The following NRG1 variants were observed in gnomAD, a reference collection of about 807,000 sequenced individuals.
The protein encoded by NRG1 is neuregulin 1, also known as pro-neuregulin-1, membrane-bound isoform.
Under a neutral mutation model 63.8 loss-of-function variants are expected in NRG1, and 18 were observed. That is an observed-to-expected ratio of 0.28 (90% CI 0.19 to 0.42). The LOEUF (loss-of-function observed/expected upper bound fraction) is 0.42. Ranked by LOEUF, NRG1 falls within the 10% of genes least tolerant of loss-of-function variation. NRG1 has a pLI of 1.00. For synonymous variants in NRG1, 302 were observed against 301.3 expected (o/e 1.00, Z -0.02); for missense variants, 762 against 814.7 (o/e 0.94, Z 0.79).
At chr8:31,757,000 G>A (rs1026494339) in intron 1 of NRG1, among the ~76,000 whole-genome samples, 3 of 152,120 alleles carry the variant, frequency 2.0e-5, no homozygotes, top group African/African-American at 7.2e-5. Flanking sequence ...AGTGTGATCC[G>A]CATTCAATAT....
intron 1 of NRG1, among the ~76,000 whole-genome samples, chr8:32,172,544 A>T (rs1021349423): frequency 6.6e-6 from 1 of 152,144 alleles, no homozygotes; most frequent in African/African-American, 2.4e-5. Flanking sequence ...AACTACTCTG[A>T]GCTAAAGGAG....
At chr8:32,064,644 A>G (rs1320982806) in intron 1 of NRG1, among the ~76,000 whole-genome samples, 1 of 152,150 alleles carries the variant, frequency 6.6e-6, no homozygotes, top group African/African-American at 2.4e-5. Flanking sequence ...TTGTGAAGGA[A>G]AAGTATTTGC....
At chr8:32,462,950 A>G (rs1358837981) in intron 1 of NRG1, among the ~76,000 whole-genome samples, 2 of 151,122 alleles carry the variant, frequency 1.3e-5, no homozygotes, top group South Asian at 2.1e-4. Context: ...CCTCTCATCT[A>G]CTTTCCATTT....
chr8:32,762,949 A>G (rs7005288), intron 11 of NRG1, among the ~76,000 whole-genome samples: 28,066 of 152,126 alleles, frequency 0.18, 3,303 homozygotes, highest in East Asian at 0.45. Flanking sequence ...TTGAGGCATC[A>G]TGAAAGAGAT....
At chr8:32,641,001 G>C (rs1471651126) in intron 5 of NRG1, among the ~76,000 whole-genome samples, 5 of 151,900 alleles carry the variant, frequency 3.3e-5, no homozygotes, top group Admixed American at 6.6e-5. Context: ...AAGTTAGCCA[G>C]GCATGGTGGC....
intron 7 of NRG1, among the ~76,000 whole-genome samples, chr8:32,745,163 G>A (rs1034372142): frequency 1.3e-5 from 2 of 152,024 alleles, no homozygotes; most frequent in African/African-American, 4.8e-5. Flanking sequence ...AATTTGTGCT[G>A]CTCTAAGAAC....
intron 1 of NRG1, chr8:31,639,828 A>G (rs1293317751): frequency 7.6e-5 from 89 of 1,175,602 alleles, no homozygotes; most frequent in Non-Finnish European, 8.6e-5. Flanking sequence ...CCCATAAACA[A>G]CTCTCCTACC....
intron 1 of NRG1, among the ~76,000 whole-genome samples, chr8:32,005,985 G>C (rs1319969638): frequency 6.6e-6 from 1 of 151,796 alleles, no homozygotes; most frequent in Non-Finnish European, 1.5e-5. Flanking sequence ...CTCACTATTT[G>C]TCCAATTTAC....
chr8:32,056,783 T>C (rs1823020739), intron 1 of NRG1, among the ~76,000 whole-genome samples: 1 of 152,194 alleles, frequency 6.6e-6, no homozygotes, highest in South Asian at 2.1e-4. Context: ...CTGCCCCTAG[T>C]GTTTAATGCA....
At chr8:31,726,663 G>T (rs553402320) in intron 1 of NRG1, among the ~76,000 whole-genome samples, 1 of 152,218 alleles carries the variant, frequency 6.6e-6, no homozygotes, top group East Asian at 1.9e-4. Flanking sequence ...AGTGAAAAAA[G>T]CATGTCTGTA....
chr8:32,665,145 C>G (rs1803817596), intron 5 of NRG1, among the ~76,000 whole-genome samples: 1 of 152,050 alleles, frequency 6.6e-6, no homozygotes, highest in South Asian at 2.1e-4. Flanking sequence ...TTAATAGGCA[C>G]TGGTAATTTA....
intron 1 of NRG1, among the ~76,000 whole-genome samples, chr8:32,268,571 G>T (rs769390555): frequency 6.6e-5 from 10 of 152,156 alleles, no homozygotes; most frequent in African/African-American, 9.7e-5. Context: ...ATGTGCATGT[G>T]TGTGTGTGTC....
At chr8:31,653,666 T>C (rs974230856) in intron 1 of NRG1, among the ~76,000 whole-genome samples, 2 of 152,244 alleles carry the variant, frequency 1.3e-5, no homozygotes, top group Non-Finnish European at 2.9e-5. Context: ...TCTATGTGTG[T>C]ATGTGTGTTG....
At chr8:31,649,507 C>A (rs1027347762) in intron 1 of NRG1, among the ~76,000 whole-genome samples, 2 of 152,046 alleles carry the variant, frequency 1.3e-5, no homozygotes, top group Admixed American at 6.5e-5. Flanking sequence ...TAACAAGAAG[C>A]AAAAGTTCTC....
intron 1 of NRG1, among the ~76,000 whole-genome samples, chr8:32,254,674 G>A (rs1849484950): frequency 6.6e-6 from 1 of 152,186 alleles, no homozygotes; most frequent in African/African-American, 2.4e-5. Context: ...GTAGAGTTCT[G>A]TAGATGTCCA....
intron 1 of NRG1, among the ~76,000 whole-genome samples, chr8:31,845,118 T>TAAAC (rs1013978557): frequency 6.6e-6 from 1 of 151,246 alleles, no homozygotes; most frequent in African/African-American, 2.4e-5. Context: ...AATAAATAAA[T>TAAAC]AAATAAATAA....
At chr8:31,867,369 T>C (rs915071572) in intron 1 of NRG1, among the ~76,000 whole-genome samples, 1 of 152,202 alleles carries the variant, frequency 6.6e-6, no homozygotes, top group Non-Finnish European at 1.5e-5. Flanking sequence ...GCCTAACAAG[T>C]AACTCCCTTG....
At chr8:32,500,508 A>C (rs1827742088) in intron 1 of NRG1, among the ~76,000 whole-genome samples, 1 of 152,186 alleles carries the variant, frequency 6.6e-6, no homozygotes. Context: ...GTTATATGTG[A>C]TTCCACACAC....
At chr8:32,340,445 T>C (rs1352935341) in intron 1 of NRG1, among the ~76,000 whole-genome samples, 1 of 152,184 alleles carries the variant, frequency 6.6e-6, no homozygotes, top group Admixed American at 6.5e-5. Context: ...TTTCTGTCTC[T>C]TTCCACCTGC....
Sources: gnomAD v4.1 joint callset for allele counts (sites outside exome capture counted in the v4.1 genomes callset) on GRCh38, gnomAD v4.1.1 for gene constraint, MANE v1.5 for transcripts, NCBI Gene and HGNC (gene_info 2026-07-23, HGNC 2026-07-21) for gene names.